Variants in FSTL5 observed in about 807,000 individuals in gnomAD.
FSTL5 encodes follistatin-related protein 5.
FSTL5 carries 62 observed loss-of-function variants against 89.1 expected under a neutral mutation model. The observed-to-expected ratio is 0.70, with a 90% CI of 0.57 to 0.86. The LOEUF is 0.86. Among genes scored for constraint, FSTL5 ranks in the 40% least tolerant of loss-of-function variants. The pLI is 0.00. For synonymous variants in FSTL5, 383 were observed against 346.2 expected (o/e 1.11, Z -1.18); for missense variants, 1,057 against 1,001.6 (o/e 1.06, Z -0.75).
chr4:161,589,609 T>C (rs1733736553), intron 7 of FSTL5, among the ~76,000 whole-genome samples: 1 of 152,114 alleles, frequency 6.6e-6, no homozygotes, highest in South Asian at 2.1e-4. Flanking sequence ...TCAGCCACCA[T>C]ACCTGCCCCC....
chr4:161,422,341 CTT>C lies in FSTL5; in HGVS notation c.1841+32661_1841+32662del, dbSNP rs199929594. Reference sequence around the variant, plus strand: ...GTGTCTGTGTGTGTTAAAAAAATGTCTTTCGATGTAAAGAGCGTCTACTATTA... The same window carrying C: ...GTGTCTGTGTGTGTTAAAAAAATGTCTCGATGTAAAGAGCGTCTACTATTA... On this transcript the variant is annotated intron_variant, in intron 15 of 15. Coordinates refer to ENST00000306100, the MANE Select transcript of FSTL5 (RefSeq NM_020116.5). Among the ~76,000 whole-genome samples, 726 of 152,200 alleles carry C rather than the reference CTT, an allele frequency of 4.8e-3. 4 individuals carry two copies. The highest frequency in any genetic ancestry group is 0.016 in the African/African-American group (660 of 41,528).
intron 3 of FSTL5, among the ~76,000 whole-genome samples, chr4:162,025,725 A>T (rs1737254029): frequency 6.6e-6 from 1 of 152,054 alleles, no homozygotes; most frequent in African/African-American, 2.4e-5. Context: ...AATATATCTT[A>T]TAATTATTTA....
At chr4:162,156,255 A>G (rs1369903456) in intron 1 of FSTL5, among the ~76,000 whole-genome samples, 3 of 152,186 alleles carry the variant, frequency 2.0e-5, no homozygotes, top group Non-Finnish European at 4.4e-5. Flanking sequence ...GATACTGGTG[A>G]GGCTGCAGAG....
intron 4 of FSTL5, among the ~76,000 whole-genome samples, chr4:161,854,274 A>G (rs914912241): frequency 6.6e-6 from 1 of 152,226 alleles, no homozygotes; most frequent in Non-Finnish European, 1.5e-5. Context: ...GTTGCTCAAT[A>G]AAGTATATTC....
intron 4 of FSTL5, among the ~76,000 whole-genome samples, chr4:161,870,678 A>G (rs1732236857): frequency 6.6e-6 from 1 of 152,190 alleles, no homozygotes; most frequent in African/African-American, 2.4e-5. Flanking sequence ...ACAATTGTTA[A>G]TAATACTTAC....
intron 5 of FSTL5, among the ~76,000 whole-genome samples, chr4:161,765,018 G>C (rs941089258): frequency 6.6e-6 from 1 of 152,164 alleles, no homozygotes; most frequent in Non-Finnish European, 1.5e-5. Context: ...ATCTTTCTCT[G>C]TTAAGTGATC....
chr4:161,484,600 T>A (rs77820529), intron 12 of FSTL5, among the ~76,000 whole-genome samples: 1 of 152,108 alleles, frequency 6.6e-6, no homozygotes, highest in African/African-American at 2.4e-5. Context: ...AACCTTTCGC[T>A]CTAAACTAAC....
At chr4:161,785,446 G>A (rs1018312306) in intron 4 of FSTL5, among the ~76,000 whole-genome samples, 8 of 152,084 alleles carry the variant, frequency 5.3e-5, no homozygotes, top group Non-Finnish European at 8.8e-5. Flanking sequence ...AATTATTAGA[G>A]CAACTAAATA....
rs148414270 is a variant in FSTL5 at position 161,651,814 on chromosome 4, A to C, written c.894+4514T>G. Among the ~76,000 whole-genome samples the C allele has an allele frequency of 6.0e-3, 917 of 152,316 alleles. 9 individuals are homozygous for C. Among genetic ancestry groups the C allele is most frequent in the South Asian group, 0.046 (220 of 4,826 alleles). ...TTGAATCCATAGCCCATGTTGCAAA[A>C]CAATGTCATAATGGCTCCTGCAGTT... On this transcript the variant is annotated intron_variant, in intron 7 of 15. Transcript: ENST00000306100.
At chr4:161,645,158 A>T (rs1474762851) in intron 7 of FSTL5, among the ~76,000 whole-genome samples, 1 of 152,154 alleles carries the variant, frequency 6.6e-6, no homozygotes, top group Admixed American at 6.6e-5. Context: ...CCATGAGCTC[A>T]GAAAGATAAT....
chr4:161,710,640 G>A (rs1231818297), intron 6 of FSTL5, among the ~76,000 whole-genome samples: 1 of 152,106 alleles, frequency 6.6e-6, no homozygotes, highest in Non-Finnish European at 1.5e-5. Context: ...AGCATCAAAG[G>A]AACACTTGCC....
rs148430861 is a variant in FSTL5, at chr4:162,053,517, T to G, written c.127-19859A>C. On this transcript the variant is annotated intron_variant, in intron 2 of 15. Coordinates refer to ENST00000306100, the MANE Select transcript of FSTL5 (RefSeq NM_020116.5). ...TATAAAACATGTGTGCATAACAAGT[T>G]ACTAGAATGGATGGCAGTGGAATCA... Among the ~76,000 whole-genome samples, 398 of 151,826 alleles carry G rather than the reference T, an allele frequency of 2.6e-3. 1 individual carries two copies. The highest frequency in any genetic ancestry group is 8.9e-3 in the African/African-American group (368 of 41,518).
chr4:161,578,687 T>A (rs1030338915), intron 8 of FSTL5, among the ~76,000 whole-genome samples: 8 of 151,988 alleles, frequency 5.3e-5, no homozygotes, highest in African/African-American at 1.4e-4. Context: ...TATAAATTGC[T>A]GATACCCAAT....
chr4:161,830,208 T>G (rs896465612), intron 4 of FSTL5, among the ~76,000 whole-genome samples: 5 of 152,104 alleles, frequency 3.3e-5, no homozygotes, highest in Non-Finnish European at 7.4e-5. Context: ...TCAGACACAT[T>G]TTTTTCTTTG....
chr4:161,611,226 GTATACATA>G (rs1554002300), intron 7 of FSTL5, among the ~76,000 whole-genome samples: 3 of 92,052 alleles, frequency 3.3e-5, no homozygotes, highest in African/African-American at 1.3e-4. Context: ...GTGTGTATGT[GTATACATA>G]TATATATATA....
chr4:162,154,768 A>G (rs1733401058), intron 1 of FSTL5, among the ~76,000 whole-genome samples: 4 of 152,158 alleles, frequency 2.6e-5, no homozygotes, highest in Admixed American at 1.3e-4. Flanking sequence ...TCCAATGTGG[A>G]TCAATTAATT....
Position 161,950,834 on chromosome 4 carries a change from C to G in FSTL5, c.161-30182G>C, listed in dbSNP as rs189286890. On this transcript the variant is annotated intron_variant, in intron 3 of 15. Coordinates refer to ENST00000306100, the MANE Select transcript of FSTL5 (RefSeq NM_020116.5). ...AAAGAGTTGTCAGGTAGATACACAT[C>G]TGCTTGGAGATGGGGGCCCTTCAGG... Among the ~76,000 whole-genome samples, 169 of 152,200 alleles carry G rather than the reference C, an allele frequency of 1.1e-3. 2 individuals carry two copies. The highest frequency in any genetic ancestry group is 0.011 in the Admixed American group (168 of 15,254).
At chr4:161,943,363 C>T (rs1734643483) in intron 3 of FSTL5, among the ~76,000 whole-genome samples, 1 of 151,378 alleles carries the variant, frequency 6.6e-6, no homozygotes, top group Non-Finnish European at 1.5e-5. Flanking sequence ...GATGTTCTGG[C>T]TATTTTTGTA....
At chr4:161,502,531 A>G (rs928397880) in intron 11 of FSTL5, among the ~76,000 whole-genome samples, 1 of 151,958 alleles carries the variant, frequency 6.6e-6, no homozygotes, top group Non-Finnish European at 1.5e-5. Context: ...AAATTACTAA[A>G]TACAACTAGA....
Sources: gnomAD v4.1 joint callset for allele counts (sites outside exome capture counted in the v4.1 genomes callset) on GRCh38, gnomAD v4.1.1 for gene constraint, MANE v1.5 for transcripts, NCBI Gene and HGNC (gene_info 2026-07-23, HGNC 2026-07-21) for gene names.